The following EEF2K variants were observed in gnomAD, a reference collection of about 807,000 sequenced individuals.
EEF2K encodes eukaryotic elongation factor 2 kinase.
EEF2K carries 70 observed loss-of-function variants against 93.8 expected under a neutral mutation model. The ratio of observed to expected loss-of-function variants is 0.75; its 90% confidence interval spans 0.62 to 0.91. EEF2K has a LOEUF of 0.91. Among genes scored for constraint, EEF2K ranks in the 40% least tolerant of loss-of-function variants. The pLI is 0.00. For synonymous variants in EEF2K, 376 were observed against 380.8 expected, an observed-to-expected ratio of 0.99 and a Z score of 0.15; for missense variants, 935 against 972.9, an observed-to-expected ratio of 0.96 and a Z score of 0.52.
intron 9 of EEF2K, 41 bp from the exon 10 acceptor site, chr16:22,258,453 G>C: frequency 6.2e-7 from 1 of 1,601,992 alleles, no homozygotes. Context: ...AATTCCCAGA[G>C]GGTGTGTGCG....
At chr16:22,264,258 C>T (rs938672117) in intron 12 of EEF2K, among the ~76,000 whole-genome samples, 3 of 133,688 alleles carry the variant, frequency 2.2e-5, no homozygotes, top group African/African-American at 8.7e-5. Flanking sequence ...TGCCGCTGCA[C>T]TCCAGCCTGG....
chr16:22,208,131 CGAAGTT>C (rs2046881370), intron 1 of EEF2K, among the ~76,000 whole-genome samples: 1 of 152,184 alleles, frequency 6.6e-6, no homozygotes, highest in African/African-American at 2.4e-5. Context: ...GGGTGGGGTC[CGAAGTT>C]CTTATCCTCT....
chr16:22,255,090 A>G (rs2047386781), intron 6 of EEF2K, among the ~76,000 whole-genome samples: 2 of 152,258 alleles, frequency 1.3e-5, no homozygotes, highest in South Asian at 4.1e-4. Context: ...ATGAAAGCAA[A>G]CATTGCCTGG....
intron 2 of EEF2K, 120 bp from the exon 3 acceptor site, chr16:22,244,506 GTCTC>G (rs2047264316): frequency 1.2e-6 from 1 of 844,734 alleles, no homozygotes; most frequent in Non-Finnish European, 1.9e-6. Flanking sequence ...CTAGACAGGA[GTCTC>G]TCTCTGTCCT....
At chr16:22,271,057 C>T (rs1229250845) in intron 15 of EEF2K, among the ~76,000 whole-genome samples, 1 of 151,192 alleles carries the variant, frequency 6.6e-6, no homozygotes, top group African/African-American at 2.4e-5. Context: ...GCAACCTCCG[C>T]CTCCCAGGTT....
chr16:22,263,170 C>G lies in EEF2K; in HGVS notation c.1360C>G (p.Pro454Ala), dbSNP rs1320798414. ...TGAGAAGCGGGGTGAGCTGGATGAC[C>G]CTGAGCCCCGAGAACATGTAAGGAA... The part of the protein sequence containing the change: ...PSEKRGELDD[P>A]EPREHGHSYS... The change falls in exon 12 of 18, where the codon CCT (proline) becomes GCT (alanine). Residue 454 changes from proline (P) to alanine (A), a missense_variant. By Grantham distance (27) the Pro-to-Ala change is conservative. Coordinates refer to ENST00000263026, the MANE Select transcript of EEF2K (RefSeq NM_013302.5). The G allele has an allele frequency of 1.2e-6, 2 of 1,611,930 alleles. No homozygotes were observed. Among genetic ancestry groups the G allele is most frequent in the South Asian group, 1.1e-5 (1 of 90,770 alleles).
chr16:22,230,317 G>T (rs2047103005), intron 2 of EEF2K, among the ~76,000 whole-genome samples: 1 of 151,426 alleles, frequency 6.6e-6, no homozygotes. Context: ...AGGTTCAAGT[G>T]ATTCTTGTGC....
rs1318535140 is a variant in EEF2K at position 22,244,674 on chromosome 16, C to A, written c.291C>A (p.Asp97Glu). 15 of 1,613,962 alleles carry A rather than the reference C, an allele frequency of 9.3e-6. No homozygotes were observed. In the Admixed American group the frequency reaches 1.5e-4, roughly 16 times the overall value. The part of the protein sequence containing the change: ...HAIQKAKHMP[D>E]PWAEFHLEDI... ...TCCAGAAGGCCAAGCACATGCCCGA[C>A]CCCTGGGCTGAGTTCCACCTGGAAG... The change falls in exon 3 of 18, where the codon GAC becomes GAA. Residue 97 changes from aspartate to glutamate, a missense_variant. Transcript: ENST00000263026.
In EEF2K at chr16:22,265,079, G is replaced by A. The variant is rs534095316; in HGVS notation, c.1440+199G>A. The A allele has an allele frequency of 4.8e-5, 28 of 580,996 alleles. No homozygotes were observed. The East Asian group carries it at 7.6e-4, about 16-fold the overall frequency. 36.0% of individuals were successfully genotyped at this position (580,996 alleles called of 1,614,324 possible). ...CAGGATGCTGGGGGATTTGTGGGGA[G>A]GATTAGAGAAGAGCAGCTCAGCCCC... On this transcript the variant is annotated intron_variant, in intron 13 of 17. Transcript: ENST00000263026.
intron 2 of EEF2K, 50 bp from the exon 3 acceptor site, chr16:22,244,580 A>C: frequency 6.3e-7 from 1 of 1,593,832 alleles, no homozygotes; most frequent in South Asian, 1.1e-5. Context: ...CTGTCCCCAA[A>C]GCCCCTGACC....
chr16:22,263,567 C>G (rs189735171), intron 12 of EEF2K, among the ~76,000 whole-genome samples: 1 of 152,166 alleles, frequency 6.6e-6, no homozygotes, highest in African/African-American at 2.4e-5. Flanking sequence ...CAAGATTGTG[C>G]CACTGCACTC....
At chr16:22,217,974 G>A (rs565817751) in intron 1 of EEF2K, among the ~76,000 whole-genome samples, 5 of 152,116 alleles carry the variant, frequency 3.3e-5, no homozygotes, top group South Asian at 2.1e-4. Flanking sequence ...CCTCCACCAC[G>A]TATCAGCTTT....
intron 2 of EEF2K, among the ~76,000 whole-genome samples, chr16:22,228,587 C>A (rs887958311): frequency 8.5e-5 from 13 of 152,220 alleles, no homozygotes; most frequent in African/African-American, 3.1e-4. Flanking sequence ...AGGCCCACGC[C>A]TAAAATGGCT....
chr16:22,223,315 G>A (rs1598165724), intron 1 of EEF2K, among the ~76,000 whole-genome samples: 1 of 119,520 alleles, frequency 8.4e-6, no homozygotes, highest in South Asian at 2.6e-4. Context: ...GTCTCACTCT[G>A]TCACCCAGGC....
At chr16:22,228,006 CTTTTT>C (rs1051682997) in intron 2 of EEF2K, among the ~76,000 whole-genome samples, 1 of 80,026 alleles carries the variant, frequency 1.2e-5, no homozygotes, top group Non-Finnish European at 2.2e-5. Context: ...AAACCAAATT[CTTTTT>C]TTTTTTTTTT....
intron 2 of EEF2K, among the ~76,000 whole-genome samples, chr16:22,234,056 T>C (rs1385827864): frequency 4.6e-5 from 7 of 152,214 alleles, no homozygotes; most frequent in Non-Finnish European, 7.3e-5. Context: ...TGCATGTGTC[T>C]TTGCACCCAT....
Position 22,286,213 on chromosome 16 carries a change from G to C in EEF2K, c.*2217G>C, listed in dbSNP as rs1451350167. On this transcript the variant is annotated 3_prime_UTR_variant, in exon 18 of 18. Transcript: ENST00000263026. Reference sequence around the variant, plus strand: ...GATCACCCTTTTGTCATCTGTACCAGATCAGTAGTTGGCTTGTGTTACATT... The same window carrying C: ...GATCACCCTTTTGTCATCTGTACCACATCAGTAGTTGGCTTGTGTTACATT... 1 of 152,190 alleles carries C rather than the reference G, an allele frequency of 6.6e-6. No individual in the cohort carries two copies. The highest frequency in any genetic ancestry group is 1.5e-5 in the Non-Finnish European group (1 of 68,036). The allele number at this position is 152,190 out of a possible 1,614,324, so 9.4% of individuals were successfully genotyped here.
chr16:22,230,544 C>T (rs950087711), intron 2 of EEF2K, among the ~76,000 whole-genome samples: 6 of 151,856 alleles, frequency 4.0e-5, no homozygotes, highest in South Asian at 2.1e-4. Flanking sequence ...TTCTTAGAGA[C>T]ACGGTCTTAC....
intron 2 of EEF2K, among the ~76,000 whole-genome samples, chr16:22,240,459 A>G (rs1215898488): frequency 6.6e-6 from 1 of 152,174 alleles, no homozygotes; most frequent in African/African-American, 2.4e-5. Context: ...CAGCAGTTAC[A>G]TTTCCCAAAA....
Sources: allele counts gnomAD v4.1 joint callset (sites outside exome capture counted in the v4.1 genomes callset), GRCh38; gene constraint gnomAD v4.1.1; transcripts MANE v1.5; gene names NCBI Gene and HGNC (gene_info 2026-07-23, HGNC 2026-07-21).